The following PRKN variants were observed in gnomAD, a reference collection of about 807,000 sequenced individuals.
PRKN encodes parkin RBR E3 ubiquitin protein ligase, also known as E3 ubiquitin-protein ligase parkin.
A neutral mutation model predicts 59.5 loss-of-function variants in PRKN; 56 were observed. That is an observed-to-expected ratio of 0.94 (90% CI 0.76 to 1.18). The LOEUF (loss-of-function observed/expected upper bound fraction) is 1.18. PRKN is among the 50% of genes most tolerant of loss of function. PRKN has a pLI of 0.00. For missense variants in PRKN, 657 were observed against 596.4 expected (o/e 1.10, Z -1.06); for synonymous variants, 250 against 222.1 (o/e 1.13, Z -1.12).
rs1383339443 is a variant in PRKN, at chr6:161,518,405, T to C, written c.1083+30449A>G. On this transcript the variant is annotated intron_variant, in intron 9 of 11. Transcript: ENST00000366898. The surrounding 1 kb of genome is among the most constrained non-coding windows in gnomAD (Gnocchi z 5.0). ...AACAGCCAGTAGCCAGGCGTGGTGG[T>C]GGGCGCCTGTAGTCCCAGCTACTTG... Among the ~76,000 whole-genome samples, 1 of 152,106 alleles carries C rather than the reference T, an allele frequency of 6.6e-6. No homozygotes were observed. The highest frequency in any genetic ancestry group is 2.4e-5 in the African/African-American group (1 of 41,436).
At chr6:161,932,635 A>T (rs1779207961) in intron 6 of PRKN, among the ~76,000 whole-genome samples, 1 of 152,174 alleles carries the variant, frequency 6.6e-6, no homozygotes, top group Non-Finnish European at 1.5e-5. Context: ...CGAAAAAAGG[A>T]TGTGTGTAGC....
chr6:161,857,919 G>A (rs1468144600), intron 6 of PRKN, among the ~76,000 whole-genome samples: 1 of 152,218 alleles, frequency 6.6e-6, no homozygotes, highest in African/African-American at 2.4e-5. Flanking sequence ...TGGCTGCAAG[G>A]TAACAGGTAG....
At chr6:161,907,701 G>A (rs773526815) in intron 6 of PRKN, among the ~76,000 whole-genome samples, 49 of 152,164 alleles carry the variant, frequency 3.2e-4, no homozygotes, top group Non-Finnish European at 5.6e-4. Flanking sequence ...TGTAGAGTTC[G>A]GACTGTATTT....
intron 7 of PRKN, among the ~76,000 whole-genome samples, chr6:161,710,049 C>G (rs920134581): frequency 2.0e-5 from 3 of 151,774 alleles, no homozygotes; most frequent in Non-Finnish European, 1.5e-5. Context: ...AAGTGTAACT[C>G]AGCTCAGAAA....
chr6:161,860,168 A>G (rs1793833439), intron 6 of PRKN, among the ~76,000 whole-genome samples: 1 of 152,218 alleles, frequency 6.6e-6, no homozygotes, highest in African/African-American at 2.4e-5. Flanking sequence ...TACTAAGTGG[A>G]AGTAAGCGAA....
intron 2 of PRKN, among the ~76,000 whole-genome samples, chr6:162,370,331 G>A (rs1015694789): frequency 3.3e-5 from 5 of 151,350 alleles, no homozygotes; most frequent in South Asian, 2.1e-4. Flanking sequence ...TTTTAATATA[G>A]AAAAAAAGGC....
At chr6:162,186,183 G>A (rs1266299473) in intron 4 of PRKN, among the ~76,000 whole-genome samples, 1 of 152,192 alleles carries the variant, frequency 6.6e-6, no homozygotes, top group Middle Eastern at 3.4e-3. Flanking sequence ...AAAAGCTTAT[G>A]TAATAGAATA....
At chr6:162,351,509 C>T (rs778052897) in intron 2 of PRKN, among the ~76,000 whole-genome samples, 5 of 152,124 alleles carry the variant, frequency 3.3e-5, no homozygotes, top group African/African-American at 4.8e-5. Flanking sequence ...GGTACAACTA[C>T]TTTGGAGAAG....
chr6:161,408,956 T>A (rs867541865), intron 9 of PRKN, among the ~76,000 whole-genome samples: 16 of 152,288 alleles, frequency 1.1e-4, no homozygotes, highest in South Asian at 4.1e-4. Context: ...TTTTAATTTT[T>A]ATTTTTTGAG....
At chr6:162,573,921 T>TG (rs1359846606) in intron 1 of PRKN, among the ~76,000 whole-genome samples, 1 of 152,180 alleles carries the variant, frequency 6.6e-6, no homozygotes, top group Non-Finnish European at 1.5e-5. Flanking sequence ...AAACTAGTCG[T>TG]GGGGAAGTGG....
At chr6:161,754,020 C>T (rs1237490606) in intron 7 of PRKN, among the ~76,000 whole-genome samples, 1 of 151,912 alleles carries the variant, frequency 6.6e-6, no homozygotes, top group Non-Finnish European at 1.5e-5. Flanking sequence ...TGTGTATCTG[C>T]GGAGGAATTT....
chr6:161,720,890 G>A (rs1326967212), intron 7 of PRKN, among the ~76,000 whole-genome samples: 3 of 152,018 alleles, frequency 2.0e-5, no homozygotes, highest in Non-Finnish European at 4.4e-5. Context: ...AAAGAGTAAA[G>A]AGAGATTAAG....
intron 4 of PRKN, among the ~76,000 whole-genome samples, chr6:162,060,187 T>C (rs900394118): frequency 1.3e-5 from 2 of 152,226 alleles, no homozygotes; most frequent in Non-Finnish European, 2.9e-5. Context: ...TTGGCTAACA[T>C]ATAATCGCAT....
At chr6:162,603,502 G>C (rs886201581) in intron 1 of PRKN, among the ~76,000 whole-genome samples, 1 of 152,160 alleles carries the variant, frequency 6.6e-6, no homozygotes, top group Non-Finnish European at 1.5e-5. Context: ...TCTGACCTGA[G>C]TAGATGGGAC....
intron 2 of PRKN, among the ~76,000 whole-genome samples, chr6:162,402,269 T>C (rs1787834483): frequency 6.7e-6 from 1 of 149,496 alleles, no homozygotes; most frequent in African/African-American, 2.5e-5. Context: ...AAAAAAAGTT[T>C]CAAACCATAG....
chr6:162,576,576 C>T (rs1780564807), intron 1 of PRKN, among the ~76,000 whole-genome samples: 1 of 152,068 alleles, frequency 6.6e-6, no homozygotes, highest in African/African-American at 2.4e-5. Flanking sequence ...CTTTGGGAGG[C>T]CAAGGTGGGT....
At chr6:162,084,694 T>C (rs1779184991) in intron 4 of PRKN, among the ~76,000 whole-genome samples, 1 of 152,096 alleles carries the variant, frequency 6.6e-6, no homozygotes, top group African/African-American at 2.4e-5. Context: ...AAGTATACAT[T>C]AGTAAATTTT....
chr6:161,756,661 T>C (rs547939519), intron 7 of PRKN, among the ~76,000 whole-genome samples: 2 of 152,054 alleles, frequency 1.3e-5, no homozygotes, highest in South Asian at 2.1e-4. Context: ...TAGAGATTCA[T>C]GGCCTGTGTG....
intron 2 of PRKN, among the ~76,000 whole-genome samples, chr6:162,430,436 T>G (rs1789462623): frequency 6.6e-6 from 1 of 152,296 alleles, no homozygotes; most frequent in South Asian, 2.1e-4. Flanking sequence ...CTATGACTTG[T>G]GGACATATTT....
Sources: allele counts gnomAD v4.1 joint callset (sites outside exome capture counted in the v4.1 genomes callset), GRCh38; gene constraint gnomAD v4.1.1; non-coding constraint Gnocchi (gnomAD v3.1); transcripts MANE v1.5; gene names NCBI Gene and HGNC (gene_info 2026-07-23, HGNC 2026-07-21).